HS6ST3: variants seen among roughly 807,000 people sequenced by gnomAD.
The protein encoded by HS6ST3 is heparan-sulfate 6-O-sulfotransferase 3.
Under a neutral mutation model 36.7 loss-of-function variants are expected in HS6ST3, and 12 were observed. That is an observed-to-expected ratio of 0.33 (90% confidence interval 0.21 to 0.53). HS6ST3 has a LOEUF of 0.53. HS6ST3 is among the 20% of genes least tolerant of loss of function. The pLI, the probability that HS6ST3 is intolerant of heterozygous loss-of-function variation, is 0.95. For synonymous variants in HS6ST3, 240 were observed against 257.5 expected (o/e 0.93, Z 0.65); for missense variants, 584 against 640.9 (o/e 0.91, Z 0.96).
intron 1 of HS6ST3, among the ~76,000 whole-genome samples, chr13:96,534,009 A>C (rs1236019611): frequency 1.3e-5 from 2 of 152,188 alleles, no homozygotes; most frequent in African/African-American, 4.8e-5. Context: ...TCCAGCCCCC[A>C]AATGACTCTT....
At chr13:96,563,410 G>A (rs1330602366) in intron 1 of HS6ST3, among the ~76,000 whole-genome samples, 2 of 152,034 alleles carry the variant, frequency 1.3e-5, no homozygotes, top group Non-Finnish European at 2.9e-5. Context: ...TGTTTTTCTT[G>A]GACAGTTCTT....
At chr13:96,581,444 G>A (rs565795322) in intron 1 of HS6ST3, among the ~76,000 whole-genome samples, 2 of 151,878 alleles carry the variant, frequency 1.3e-5, no homozygotes, top group African/African-American at 4.8e-5. Context: ...GGTTGGTCTC[G>A]ATCTCCTGAC....
intron 1 of HS6ST3, among the ~76,000 whole-genome samples, chr13:96,389,322 C>T (rs759298840): frequency 5.3e-5 from 8 of 151,870 alleles, no homozygotes; most frequent in Non-Finnish European, 1.0e-4. Context: ...ACTATAGTAA[C>T]GATTTTACTA....
rs1238235955 is a variant in HS6ST3 at position 96,710,025 on chromosome 13, C to A, written c.708-122465C>A. 2.0e-5 allele frequency among the ~76,000 whole-genome samples: 3 copies of A among 152,202 alleles called. No homozygotes were observed. In the East Asian group the frequency reaches 5.8e-4, roughly 29 times the overall value. ...CTGCATCCTCAGTCCATGTCCTTAA[C>A]TGCAACTCTGTGCTGTTTCTCAGTC... On this transcript the variant is annotated intron_variant, in intron 1 of 1. Coordinates refer to ENST00000376705, the MANE Select transcript of HS6ST3 (RefSeq NM_153456.4).
At chr13:96,739,637 G>A (rs999047804) in intron 1 of HS6ST3, among the ~76,000 whole-genome samples, 11 of 151,954 alleles carry the variant, frequency 7.2e-5, no homozygotes, top group African/African-American at 2.4e-4. Context: ...ATCCAGAATC[G>A]GACCATTTCT....
chr13:96,370,365 G>A (rs1263852176), intron 1 of HS6ST3, among the ~76,000 whole-genome samples: 1 of 151,974 alleles, frequency 6.6e-6, no homozygotes, highest in East Asian at 1.9e-4. Flanking sequence ...TTCATTTGTT[G>A]ATTGCTTATT....
At position 96,368,512 on chromosome 13, in the gene HS6ST3, TAAA is replaced by T. The variant is rs371341835; in HGVS notation, c.707+276951_707+276953del. 9.6e-3 allele frequency among the ~76,000 whole-genome samples: 1,338 copies of T among 138,686 alleles called. 15 individuals are homozygous for T. The highest frequency in any genetic ancestry group is 0.013 in the Non-Finnish European group (853 of 63,334). 91.0% of individuals were successfully genotyped at this position (138,686 alleles called of 152,430 possible). A position where few individuals can be genotyped will look rare whatever the true frequency, so the allele number is the denominator to read the frequency against. ...GCCTGATATTCAGAGCTTTTTTTTT[TAAA>T]AAAAAAACATAATTTTCTTCTTCAT... On this transcript the variant is annotated intron_variant, in intron 1 of 1. Coordinates refer to ENST00000376705, the MANE Select transcript of HS6ST3 (RefSeq NM_153456.4).
At chr13:96,613,692 T>C (rs1431180568) in intron 1 of HS6ST3, among the ~76,000 whole-genome samples, 1 of 152,226 alleles carries the variant, frequency 6.6e-6, no homozygotes, top group Non-Finnish European at 1.5e-5. Flanking sequence ...TCTGTCTACA[T>C]GATTCCCTTT....
chr13:96,409,721 G>A (rs577085382), intron 1 of HS6ST3, among the ~76,000 whole-genome samples: 5 of 152,112 alleles, frequency 3.3e-5, no homozygotes, highest in African/African-American at 1.2e-4. Flanking sequence ...GTCTGCAAGC[G>A]GATCTATCTA....
intron 1 of HS6ST3, among the ~76,000 whole-genome samples, chr13:96,196,169 C>T (rs943213727): frequency 6.6e-6 from 1 of 152,134 alleles, no homozygotes; most frequent in Non-Finnish European, 1.5e-5. Flanking sequence ...ACTGCTTTCT[C>T]TCTGCCACCG....
chr13:96,102,990 C>T (rs927170542), intron 1 of HS6ST3, among the ~76,000 whole-genome samples: 10 of 152,030 alleles, frequency 6.6e-5, no homozygotes, highest in East Asian at 1.9e-4. Flanking sequence ...TTTATCGGTA[C>T]GTGTTTTTCT....
chr13:96,588,710 T>C (rs1259136425), intron 1 of HS6ST3, among the ~76,000 whole-genome samples: 1 of 152,180 alleles, frequency 6.6e-6, no homozygotes, highest in East Asian at 1.9e-4. Context: ...GTAGTATGTT[T>C]GTGTTTAGTA....
At chr13:96,509,483 A>G (rs968762178) in intron 1 of HS6ST3, among the ~76,000 whole-genome samples, 5 of 152,154 alleles carry the variant, frequency 3.3e-5, no homozygotes, top group African/African-American at 1.2e-4. Context: ...TTCACGTCTT[A>G]TATTTAAATC....
rs552637360 is a variant in HS6ST3 at position 96,550,106 on chromosome 13, A to G, written c.708-282384A>G. Among the ~76,000 whole-genome samples, 9 of 152,268 alleles carry G rather than the reference A, an allele frequency of 5.9e-5. No individual in the cohort carries two copies. In the South Asian group the frequency reaches 1.9e-3, roughly 32 times the overall value. On this transcript the variant is annotated intron_variant, in intron 1 of 1. Coordinates refer to ENST00000376705, the MANE Select transcript of HS6ST3 (RefSeq NM_153456.4). ...GTGAGCATTATGGATGTGGTCTGTTAGGGTTTGGTTGTGTGTCCCCTCCAA... is the reference window on the plus strand; with the variant it reads ...GTGAGCATTATGGATGTGGTCTGTTGGGGTTTGGTTGTGTGTCCCCTCCAA...
chr13:96,490,926 A>C, intron 1 of HS6ST3, among the ~76,000 whole-genome samples: 1 of 152,254 alleles, frequency 6.6e-6, no homozygotes, highest in Non-Finnish European at 1.5e-5. Flanking sequence ...TGAGCAAGCC[A>C]CCTATGGCGA....
At chr13:96,628,686 A>G (rs2056521369) in intron 1 of HS6ST3, among the ~76,000 whole-genome samples, 1 of 152,118 alleles carries the variant, frequency 6.6e-6, no homozygotes, top group Non-Finnish European at 1.5e-5. Context: ...TTCTAAAATC[A>G]CTATGTCTAA....
chr13:96,556,902 A>T (rs1179171649), intron 1 of HS6ST3, among the ~76,000 whole-genome samples: 1 of 152,176 alleles, frequency 6.6e-6, no homozygotes, highest in Non-Finnish European at 1.5e-5. Flanking sequence ...ATGGCTCAGG[A>T]TATTTTGGCT....
At chr13:96,462,180 C>G (rs1317732850) in intron 1 of HS6ST3, among the ~76,000 whole-genome samples, 1 of 152,072 alleles carries the variant, frequency 6.6e-6, no homozygotes, top group Admixed American at 6.6e-5. Context: ...AGCAATCCTC[C>G]CACCTGACCC....
intron 1 of HS6ST3, among the ~76,000 whole-genome samples, chr13:96,480,337 C>A (rs1384206164): frequency 1.3e-5 from 2 of 152,118 alleles, no homozygotes; most frequent in Non-Finnish European, 2.9e-5. Context: ...TGGTCTTGAA[C>A]CCCTGACCTC....
Sources: allele counts gnomAD v4.1 joint callset (sites outside exome capture counted in the v4.1 genomes callset), GRCh38; gene constraint gnomAD v4.1.1; transcripts MANE v1.5; gene names NCBI Gene and HGNC (gene_info 2026-07-23, HGNC 2026-07-21).